The following BCO1 variants were observed in gnomAD, a reference collection of about 807,000 sequenced individuals.
BCO1 encodes the protein beta-carotene oxygenase 1.
In BCO1, 54 loss-of-function variants were observed where a neutral mutation model predicts 56.3. The observed-to-expected ratio is 0.96, with a 90% CI of 0.77 to 1.20. The LOEUF (loss-of-function observed/expected upper bound fraction) is 1.20, where lower values mean the gene tolerates loss of function less well. Ranked by LOEUF, BCO1 falls within the 50% of genes most tolerant of loss-of-function variation. BCO1 has a pLI of 0.00. For missense variants in BCO1, 801 were observed against 690.9 expected, an observed-to-expected ratio of 1.16 and a Z score of -1.79; for synonymous variants, 318 against 266.1, an observed-to-expected ratio of 1.20 and a Z score of -1.90.
intron 7 of BCO1, among the ~76,000 whole-genome samples, chr16:81,278,749 C>G (rs1907699671): frequency 6.6e-6 from 1 of 152,178 alleles, no homozygotes; most frequent in African/African-American, 2.4e-5. Context: ...CAGCAATGCT[C>G]TTGCTTCTGG....
chr16:81,267,881 C>T (rs561045245), intron 5 of BCO1, 27 bp from the exon 6 acceptor site: 13 of 1,607,276 alleles, frequency 8.1e-6, no homozygotes, highest in African/African-American at 2.7e-5. Context: ...CTGCACAATT[C>T]CTGAGGCTTG....
intron 2 of BCO1, among the ~76,000 whole-genome samples, chr16:81,246,832 C>G (rs561696973): frequency 4.1e-5 from 5 of 122,110 alleles, no homozygotes; most frequent in Non-Finnish European, 6.7e-5. Context: ...GCCTGGGAGA[C>G]AGAGCCAGAC....
In BCO1 at chr16:81,287,407, G is replaced by C; in HGVS notation, c.1414+1G>C. On this transcript the variant is annotated splice_donor_variant, in intron 10 of 10. Coordinates refer to ENST00000258168, the MANE Select transcript of BCO1 (RefSeq NM_017429.3). LOFTEE classifies it high-confidence loss of function. ...CCAGGTGCCAAGGATGAGGATGACG[G>C]TAAGACTCTAAGAAGCCACGCCTAG... 1 of 1,612,572 alleles carries C rather than the reference G, an allele frequency of 6.2e-7. No individual in the cohort carries two copies. Among genetic ancestry groups the C allele is most frequent in the Non-Finnish European group, 8.5e-7 (1 of 1,178,926 alleles).
chr16:81,259,845 T>C, intron 3 of BCO1, 40 bp downstream of exon 3: 2 of 1,613,176 alleles, frequency 1.2e-6, no homozygotes, highest in Non-Finnish European at 1.7e-6. Flanking sequence ...TTCATGCTTT[T>C]TGCTATCCTT....
chr16:81,246,313 A>T (rs1411810028), intron 2 of BCO1, among the ~76,000 whole-genome samples: 1 of 152,070 alleles, frequency 6.6e-6, no homozygotes, highest in Non-Finnish European at 1.5e-5. Flanking sequence ...CCTTATTCAC[A>T]TCTACAAAGT....
At chr16:81,251,208 G>A (rs1905777039) in intron 2 of BCO1, among the ~76,000 whole-genome samples, 1 of 152,196 alleles carries the variant, frequency 6.6e-6, no homozygotes, top group South Asian at 2.1e-4. Flanking sequence ...AAACAAAAAG[G>A]CAGAAAATAG....
rs6420425 is a variant in BCO1 at position 81,280,324 on chromosome 16, G to C, written c.1102-533G>C. 9.4e-4 allele frequency among the ~76,000 whole-genome samples: 106 copies of C among 113,292 alleles called. 1 individual carries two copies. The highest frequency in any genetic ancestry group is 2.6e-3 in the South Asian group (9 of 3,454). 74.3% of individuals were successfully genotyped at this position (113,292 alleles called of 152,430 possible). A position where few individuals can be genotyped will look rare whatever the true frequency, so the allele number is the denominator to read the frequency against. On this transcript the variant is annotated intron_variant, in intron 7 of 10. Transcript: ENST00000258168. ...AAAAAAAAAATTACACACACACACAGACACACACACACACACACACACACA... is the reference window on the plus strand; with the variant it reads ...AAAAAAAAAATTACACACACACACACACACACACACACACACACACACACA...
chr16:81,270,119 G>C (rs1205480771), intron 6 of BCO1, 40 bp from the exon 7 acceptor site: 2 of 1,613,090 alleles, frequency 1.2e-6, no homozygotes. Context: ...GCCAGGCTGA[G>C]AGAGGGTGAG....
chr16:81,248,134 G>T (rs1328598800), intron 2 of BCO1, among the ~76,000 whole-genome samples: 1 of 152,070 alleles, frequency 6.6e-6, no homozygotes, highest in Admixed American at 6.6e-5. Context: ...AGTCGCGATG[G>T]CTCACACCTG....
At chr16:81,282,190 C>A (rs1400515444) in intron 8 of BCO1, among the ~76,000 whole-genome samples, 1 of 152,080 alleles carries the variant, frequency 6.6e-6, no homozygotes, top group East Asian at 1.9e-4. Flanking sequence ...ACCAGCCTGG[C>A]CAACATGGCG....
At chr16:81,246,713 T>C (rs1905440003) in intron 2 of BCO1, among the ~76,000 whole-genome samples, 1 of 151,896 alleles carries the variant, frequency 6.6e-6, no homozygotes, top group Admixed American at 6.6e-5. Flanking sequence ...TAGCTGGTCA[T>C]AGTGGCACAC....
At chr16:81,277,136 C>T (rs1366522639) in intron 7 of BCO1, among the ~76,000 whole-genome samples, 2 of 151,778 alleles carry the variant, frequency 1.3e-5, no homozygotes, top group Admixed American at 6.6e-5. Flanking sequence ...TAGCGATTGC[C>T]GTTTGGGACA....
rs1170790963 is a variant in BCO1, at chr16:81,264,676, A to C, written c.508A>C (p.Thr170Pro). The change falls in exon 5 of 11, where the codon ACG becomes CCG. Residue 170 changes from threonine (T) to proline (P), a missense_variant. Physicochemically the swap from Thr to Pro is conservative, Grantham distance 38 (BLOSUM62 -1). Coordinates refer to ENST00000258168, the MANE Select transcript of BCO1 (RefSeq NM_017429.3). ...YRKYVAVNLA[T>P]SHPHYDEAGN... ...TAAATACGTGGCGGTAAATCTGGCA[A>C]CGTCACATCCCCATTATGATGAGGC... 1 of 1,614,202 alleles carries C rather than the reference A, an allele frequency of 6.2e-7. No homozygotes were observed. The highest frequency in any genetic ancestry group is 1.7e-5 in the Admixed American group (1 of 60,022).
Position 81,238,799 on chromosome 16 carries a change from A to G in BCO1, c.-110A>G, listed in dbSNP as rs1904974428. The G allele has an allele frequency of 1.1e-6, 1 of 930,164 alleles. No individual in the cohort carries two copies. Among genetic ancestry groups the G allele is most frequent in the East Asian group, 2.5e-5 (1 of 40,614 alleles). 57.6% of individuals were successfully genotyped at this position (930,164 alleles called of 1,614,324 possible). A position where few individuals can be genotyped will look rare whatever the true frequency, so the allele number is the denominator to read the frequency against. On this transcript the variant is annotated 5_prime_UTR_variant, in exon 1 of 11. Transcript: ENST00000258168. ...GGAGAGACAGAGATGTGAAGGAGGG[A>G]AGGAGCAGGAGAGCAGGAAGGAAAC...
intron 3 of BCO1, among the ~76,000 whole-genome samples, chr16:81,260,952 T>G (rs967212164): frequency 3.3e-5 from 5 of 152,044 alleles, no homozygotes; most frequent in Admixed American, 6.6e-5. Flanking sequence ...TATGAAAGAG[T>G]TGAAGGGTGG....
At chr16:81,252,355 G>A (rs757885830) in intron 2 of BCO1, among the ~76,000 whole-genome samples, 1 of 151,914 alleles carries the variant, frequency 6.6e-6, no homozygotes, top group Non-Finnish European at 1.5e-5. Flanking sequence ...TACCTCCCAG[G>A]CTCAATTCTC....
intron 2 of BCO1, 25 bp downstream of exon 2, chr16:81,245,628 C>A (rs1303844498): frequency 1.2e-6 from 2 of 1,613,914 alleles, no homozygotes; most frequent in South Asian, 2.2e-5. Context: ...GAGTGTGCTG[C>A]CACTGCTGCA....
At chr16:81,262,109 ACT>A in intron 3 of BCO1, 25 bp from the exon 4 acceptor site, 1 of 1,611,998 alleles carries the variant, frequency 6.2e-7, no homozygotes, top group Non-Finnish European at 8.5e-7. Flanking sequence ...ATAGCCACTG[ACT>A]CTGTTGATTT....
intron 2 of BCO1, among the ~76,000 whole-genome samples, chr16:81,247,908 T>G (rs933186562): frequency 3.3e-5 from 5 of 152,118 alleles, no homozygotes; most frequent in African/African-American, 1.2e-4. Flanking sequence ...GAATCCCAGC[T>G]CCACCATCCT....
Sources: gnomAD v4.1 joint callset for allele counts (sites outside exome capture counted in the v4.1 genomes callset) on GRCh38, gnomAD v4.1.1 for gene constraint, MANE v1.5 for transcripts, NCBI Gene and HGNC (gene_info 2026-07-23, HGNC 2026-07-21) for gene names.